Variants in GADL1 observed in about 807,000 individuals in gnomAD.
The protein encoded by GADL1 is acidic amino acid decarboxylase GADL1.
GADL1 carries 71 observed loss-of-function variants against 69.5 expected under a neutral mutation model. The ratio of observed to expected loss-of-function variants is 1.02; its 90% confidence interval spans 0.84 to 1.25. The LOEUF is 1.25. Ranked by LOEUF, GADL1 falls within the 50% of genes most tolerant of loss-of-function variation. The pLI is 0.00. For missense variants in GADL1, 737 were observed against 631.8 expected (o/e 1.17, Z -1.79); for synonymous variants, 254 against 214.4 (o/e 1.18, Z -1.62).
At chr3:30,794,576 C>T (rs1343145741) in intron 12 of GADL1, among the ~76,000 whole-genome samples, 2 of 152,034 alleles carry the variant, frequency 1.3e-5, no homozygotes, top group Non-Finnish European at 2.9e-5. Context: ...CACTGATTTT[C>T]GAACCAAAGA....
intron 11 of GADL1, among the ~76,000 whole-genome samples, chr3:30,823,889 A>G (rs956778594): frequency 2.6e-5 from 4 of 151,980 alleles, no homozygotes; most frequent in Admixed American, 1.3e-4. Flanking sequence ...GATACAGCTG[A>G]AGAGAAAGAA....
At chr3:30,805,758 T>G (rs77774596) in intron 11 of GADL1, among the ~76,000 whole-genome samples, 9 of 143,400 alleles carry the variant, frequency 6.3e-5, no homozygotes, top group East Asian at 4.5e-4. Flanking sequence ...TTTTTTTTTT[T>G]GGGCACCAGG....
intron 14 of GADL1, among the ~76,000 whole-genome samples, chr3:30,756,240 A>G (rs1262746872): frequency 6.6e-6 from 1 of 152,152 alleles, no homozygotes; most frequent in African/African-American, 2.4e-5. Context: ...AGAGAAACGT[A>G]AGTTCTGAAA....
intron 9 of GADL1, among the ~76,000 whole-genome samples, chr3:30,837,154 A>G (rs932379897): frequency 2.0e-5 from 2 of 101,660 alleles, no homozygotes; most frequent in Non-Finnish European, 3.4e-5. Context: ...TTAAAAAGAG[A>G]TAAACATCAG....
At chr3:30,855,256 G>A (rs1698210026) in intron 3 of GADL1, among the ~76,000 whole-genome samples, 2 of 152,096 alleles carry the variant, frequency 1.3e-5, no homozygotes, top group Admixed American at 6.6e-5. Flanking sequence ...AATCTGAGTT[G>A]TCTTTTAAGA....
chr3:30,852,049 A>G (rs1415352360), intron 4 of GADL1, among the ~76,000 whole-genome samples: 1 of 152,184 alleles, frequency 6.6e-6, no homozygotes, highest in Non-Finnish European at 1.5e-5. Flanking sequence ...CTAAATATGT[A>G]AGTTAAGCAG....
Position 30,857,121 on chromosome 3 carries a change from A to T in GADL1, c.231T>A (p.Pro77=). 1.3e-6 allele frequency: 2 copies of T among 1,550,202 alleles called. No homozygotes were observed. Among genetic ancestry groups the T allele is most frequent in the Non-Finnish European group, 1.7e-6 (2 of 1,145,842 alleles). Residue 77 remains proline (P), a synonymous_variant, in exon 3 of 15, where the codon CCT becomes CCA. Coordinates refer to ENST00000282538, the MANE Select transcript of GADL1 (RefSeq NM_207359.3). ...AATCAAGAAGCTGTTTCAGTTGTTC[A>T]GGAGGCCTCCATTCACACACCTGGA... ...VNEKVCEWRP[P]EQLKQLLDLE...
chr3:30,800,749 C>CTT, intron 12 of GADL1, 140 bp downstream of exon 12: 1 of 690,354 alleles, frequency 1.4e-6, no homozygotes, highest in East Asian at 2.7e-5. Context: ...AAAACATGTA[C>CTT]TTGCAACACA....
intron 14 of GADL1, among the ~76,000 whole-genome samples, chr3:30,765,608 A>G (rs922009847): frequency 9.9e-5 from 15 of 152,204 alleles, no homozygotes; most frequent in Non-Finnish European, 1.9e-4. Context: ...TCAGAAGGGC[A>G]TGCTTGGTTT....
Position 30,879,344 on chromosome 3 carries a change from A to G in GADL1, c.37+15234T>C, listed in dbSNP as rs574732820. 1.8e-3 allele frequency among the ~76,000 whole-genome samples: 276 copies of G among 151,996 alleles called. 1 individual carries two copies. The South Asian group carries it at 0.027, about 15-fold the overall frequency. On this transcript the variant is annotated intron_variant, in intron 1 of 14. Transcript: ENST00000282538. Reference sequence around the variant, plus strand: ...GCTTTTGCCTTCATCCTCATCAGAGAAAGCCCACTGGGAGGACCAAGGGTA... The same window carrying G: ...GCTTTTGCCTTCATCCTCATCAGAGGAAGCCCACTGGGAGGACCAAGGGTA...
intron 14 of GADL1, among the ~76,000 whole-genome samples, chr3:30,776,777 G>C (rs981662505): frequency 6.6e-6 from 1 of 152,178 alleles, no homozygotes; most frequent in Non-Finnish European, 1.5e-5. Flanking sequence ...GCCGTGGAAG[G>C]CAAGGCTCCC....
intron 14 of GADL1, among the ~76,000 whole-genome samples, chr3:30,738,319 T>C (rs1695566440): frequency 6.6e-6 from 1 of 152,180 alleles, no homozygotes; most frequent in African/African-American, 2.4e-5. Flanking sequence ...TACTTGCAGT[T>C]AGTGTCTCAT....
In GADL1 at chr3:30,854,819, T is replaced by C. The variant is rs1403646996; in HGVS notation, c.338-30A>G. On this transcript the variant is annotated intron_variant, in intron 3 of 14. Coordinates refer to ENST00000282538, the MANE Select transcript of GADL1 (RefSeq NM_207359.3). ...AAATTTAAAATGGAGTATTCATCTA[T>C]GCAGCAATAAAAAAAAAAACTACTG... 2.5e-6 allele frequency: 3 copies of C among 1,204,088 alleles called. No individual in the cohort carries two copies. The Admixed American group carries it at 7.1e-5, about 28-fold the overall frequency. The allele number at this position is 1,204,088 out of a possible 1,614,324, so 74.6% of individuals were successfully genotyped here.
chr3:30,797,376 A>G (rs1168929561), intron 12 of GADL1, among the ~76,000 whole-genome samples: 1 of 152,202 alleles, frequency 6.6e-6, no homozygotes, highest in Middle Eastern at 3.2e-3. Flanking sequence ...ATAAATCTCT[A>G]AGAAGGTCCT....
At chr3:30,832,031 G>A (rs1697800892) in intron 11 of GADL1, among the ~76,000 whole-genome samples, 2 of 151,938 alleles carry the variant, frequency 1.3e-5, no homozygotes, top group Admixed American at 1.3e-4. Context: ...AGCCTACACA[G>A]ATCATTTATG....
chr3:30,808,038 A>G (rs1332970449), intron 11 of GADL1, among the ~76,000 whole-genome samples: 2 of 152,138 alleles, frequency 1.3e-5, no homozygotes, highest in East Asian at 1.9e-4. Flanking sequence ...TCGGGGGGGA[A>G]ATAAAAGTGT....
intron 1 of GADL1, among the ~76,000 whole-genome samples, chr3:30,868,390 G>A (rs1463612311): frequency 2.0e-5 from 3 of 151,942 alleles, no homozygotes; most frequent in African/African-American, 7.2e-5. Flanking sequence ...CCATGCTCTG[G>A]TCACCATGAT....
chr3:30,844,589 A>C, intron 6 of GADL1, 123 bp from the exon 7 acceptor site: 2 of 707,292 alleles, frequency 2.8e-6, no homozygotes, highest in South Asian at 1.7e-5. Context: ...TTATTGCATA[A>C]AAAAGTAATT....
intron 14 of GADL1, among the ~76,000 whole-genome samples, chr3:30,729,617 A>AC (rs948551724): frequency 7.2e-5 from 11 of 152,146 alleles, no homozygotes; most frequent in Non-Finnish European, 1.3e-4. Flanking sequence ...TTTTGAACAT[A>AC]CCCACATTTT....
Sources: allele counts gnomAD v4.1 joint callset (sites outside exome capture counted in the v4.1 genomes callset), GRCh38; gene constraint gnomAD v4.1.1; transcripts MANE v1.5; gene names NCBI Gene and HGNC (gene_info 2026-07-23, HGNC 2026-07-21).